The following FHL2 variants were observed in gnomAD, a reference collection of about 807,000 sequenced individuals.
FHL2 encodes the protein four and a half LIM domains protein 2.
Under a neutral mutation model 32.7 loss-of-function variants are expected in FHL2, and 20 were observed. The ratio of observed to expected loss-of-function variants is 0.61; its 90% CI spans 0.43 to 0.89. The LOEUF (loss-of-function observed/expected upper bound fraction) is 0.89. Ranked by LOEUF, FHL2 falls within the 40% of genes least tolerant of loss-of-function variation. The probability of loss-of-function intolerance (pLI) is 0.00; values close to 1 mark genes in which losing one functional copy is unlikely to be tolerated. For missense variants in FHL2, 311 were observed against 358.6 expected (o/e 0.87, Z 1.07); for synonymous variants, 123 against 128.1 (o/e 0.96, Z 0.27).
At chr2:105,399,836 C>A (rs56317017), upstream of FHL2, among the ~76,000 whole-genome samples, 1 of 152,230 alleles carries the variant, frequency 6.6e-6, no homozygotes, top group Non-Finnish European at 1.5e-5. Context: ...AGCAGGTAAC[C>A]GGTCCACTTG....
intron 1 of FHL2, among the ~76,000 whole-genome samples, chr2:105,432,933 G>A (rs886481332): frequency 2.6e-5 from 4 of 152,188 alleles, no homozygotes; most frequent in African/African-American, 9.7e-5. Context: ...TAGCCAAGAA[G>A]AGAAACTTCT....
In FHL2 at chr2:105,373,553, C is replaced by T; in HGVS notation, c.331+6G>A. On this transcript the variant is annotated splice_donor_region_variant and intron_variant, in intron 4 of 6. Transcript: ENST00000530340. ...GCTCACGCATGAGAAAGGAGTGCCT[C>T]CTGACCTGGCATGATGGTCTTCTTG... 1 of 1,614,170 alleles carries T rather than the reference C, an allele frequency of 6.2e-7. No homozygotes were observed. Among genetic ancestry groups the T allele is most frequent in the Non-Finnish European group, 8.5e-7 (1 of 1,180,028 alleles).
rs778544007 is a variant in FHL2, at chr2:105,386,462, A to G, written c.55T>C (p.Tyr19His). 6.2e-7 allele frequency: 1 copy of G among 1,614,254 alleles called. No individual in the cohort carries two copies. ...TAGGGGCTCTCCTCCCGCAGGATGTACTTCTTGCCAAAGAGAGATTCGTTG... is the reference window on the plus strand; with the variant it reads ...TAGGGGCTCTCCTCCCGCAGGATGTGCTTCTTGCCAAAGAGAGATTCGTTG... ...HCNESLFGKK[Y>H]ILREESPYCV... The change falls in exon 3 of 7, where the codon TAC becomes CAC. Residue 19 changes from tyrosine to histidine, a missense_variant. Physicochemically the swap from Tyr to His is moderately conservative, Grantham distance 83. Coordinates refer to ENST00000530340, the MANE Select transcript of FHL2 (RefSeq NM_001318895.3).
chr2:105,417,961 G>A lies in FHL2; in HGVS notation c.-25+20438C>T, dbSNP rs530447902. On this transcript the variant is annotated intron_variant, in intron 1 of 5. Transcript: ENST00000393352. ...ATAAATGTCAACACAGTGAAAAGAT[G>A]AGTCATATCTTAATAGTATCAAAAA... 2.0e-5 allele frequency among the ~76,000 whole-genome samples: 3 copies of A among 152,204 alleles called. No individual in the cohort carries two copies. The South Asian group carries it at 6.2e-4, about 32-fold the overall frequency.
upstream of FHL2, among the ~76,000 whole-genome samples, chr2:105,402,080 T>C (rs1390374555): frequency 6.0e-5 from 9 of 149,276 alleles, no homozygotes; most frequent in Non-Finnish European, 1.5e-5. Flanking sequence ...TACATGTATA[T>C]ATGTGTATAT....
At chr2:105,418,195 G>A (rs552975917) in intron 1 of FHL2, among the ~76,000 whole-genome samples, 1 of 152,076 alleles carries the variant, frequency 6.6e-6, no homozygotes, top group African/African-American at 2.4e-5. Context: ...CCTTATTTTT[G>A]ACTCTGCGAA....
chr2:105,386,128 T>C, intron 3 of FHL2: 1 of 477,382 alleles, frequency 2.1e-6, no homozygotes, highest in Non-Finnish European at 3.7e-6. Context: ...GAAAATGTAC[T>C]TAGAGATACT....
chr2:105,370,978 C>G (rs1299450126), intron 4 of FHL2, among the ~76,000 whole-genome samples: 1 of 152,186 alleles, frequency 6.6e-6, no homozygotes, highest in Non-Finnish European at 1.5e-5. Context: ...TACCACAGAG[C>G]CTGAATTCTT....
chr2:105,393,363 G>A (rs182383882), intron 2 of FHL2, among the ~76,000 whole-genome samples: 1 of 152,258 alleles, frequency 6.6e-6, no homozygotes, highest in Admixed American at 6.5e-5. Context: ...AGCAGCTTCG[G>A]TAAGTCAGTC....
chr2:105,372,070 T>C (rs1411206310), intron 4 of FHL2, among the ~76,000 whole-genome samples: 6 of 152,210 alleles, frequency 3.9e-5, no homozygotes, highest in Non-Finnish European at 8.8e-5. Context: ...GGGCTGGGAC[T>C]GTGTCAGCCT....
intron 1 of FHL2, among the ~76,000 whole-genome samples, chr2:105,436,291 C>G (rs951422464): frequency 1.3e-5 from 2 of 152,070 alleles, no homozygotes; most frequent in African/African-American, 2.4e-5. Flanking sequence ...CAAAAGGGAC[C>G]AGTAATAGTG....
At chr2:105,394,969 A>C (rs2104619421) in intron 2 of FHL2, among the ~76,000 whole-genome samples, 1 of 152,364 alleles carries the variant, frequency 6.6e-6, no homozygotes, top group East Asian at 1.9e-4. Flanking sequence ...ATAAATATCA[A>C]ATTTCTGATC....
intron 1 of FHL2, among the ~76,000 whole-genome samples, chr2:105,397,335 T>C (rs1274488143): frequency 3.9e-5 from 6 of 152,186 alleles, no homozygotes; most frequent in African/African-American, 1.4e-4. Context: ...AATGAGGCTA[T>C]CAAATATGTA....
chr2:105,363,365 C>A lies in FHL2; in HGVS notation c.608G>T (p.Arg203Leu). 6.2e-7 allele frequency: 1 copy of A among 1,614,190 alleles called. No individual in the cohort carries two copies. The highest frequency in any genetic ancestry group is 8.5e-7 in the Non-Finnish European group (1 of 1,180,040). ...GTTCAGGCAGTAGGCAAAGTCATCG[C>A]GAGCTGTGAAGCGCTGCCCAGACAG... ...KQLSGQRFTA[R>L]DDFAYCLNCF... The change falls in exon 6 of 7, where the codon CGC becomes CTC. Residue 203 changes from arginine to leucine, a missense_variant. By Grantham distance (102) the Arg-to-Leu change is moderately radical. Transcript: ENST00000530340.
At chr2:105,434,135 T>C (rs1684518594) in intron 1 of FHL2, among the ~76,000 whole-genome samples, 1 of 152,250 alleles carries the variant, frequency 6.6e-6, no homozygotes, top group Middle Eastern at 3.2e-3. Flanking sequence ...TTATCCCAAG[T>C]ATTTTAAAAC....
intron 1 of FHL2, among the ~76,000 whole-genome samples, chr2:105,411,260 T>C (rs1459669494): frequency 2.0e-5 from 3 of 152,218 alleles, no homozygotes; most frequent in East Asian, 3.8e-4. Flanking sequence ...ATTAGCACAA[T>C]TTCCTAGTAT....
chr2:105,378,492 G>C (rs1681642917), intron 3 of FHL2: 2 of 227,930 alleles, frequency 8.8e-6, no homozygotes, highest in Non-Finnish European at 8.8e-6. Context: ...GGCTGGTGTA[G>C]AGTGGACACC....
At chr2:105,399,710 GC>G, upstream of FHL2, 1 of 1,298,874 alleles carries the variant, frequency 7.7e-7, no homozygotes, top group African/African-American at 1.5e-5. Context: ...CGGGCCCTCT[GC>G]GTGACGCTGA....
intron 2 of FHL2, among the ~76,000 whole-genome samples, chr2:105,393,452 A>T (rs1462739443): frequency 6.6e-6 from 1 of 152,220 alleles, no homozygotes; most frequent in Non-Finnish European, 1.5e-5. Context: ...CTTTCCAGAG[A>T]CAATTAGGAA....
Sources: allele counts gnomAD v4.1 joint callset (sites outside exome capture counted in the v4.1 genomes callset), GRCh38; gene constraint gnomAD v4.1.1; transcripts MANE v1.5; gene names NCBI Gene and HGNC (gene_info 2026-07-23, HGNC 2026-07-21).